Variants in ATXN10 observed in about 807,000 individuals in gnomAD.
The protein encoded by ATXN10 is ataxin 10.
In ATXN10, 28 loss-of-function variants were observed where a neutral mutation model predicts 52.9. The ratio of observed to expected loss-of-function variants is 0.53; its 90% CI spans 0.39 to 0.73. The LOEUF is 0.73. Ranked by LOEUF, ATXN10 falls within the 30% of genes least tolerant of loss-of-function variation. The pLI is 0.00. For missense variants in ATXN10, 565 were observed against 577.0 expected (o/e 0.98, Z 0.21); for synonymous variants, 226 against 221.5 (o/e 1.02, Z -0.18).
chr22:45,758,449 A>G (rs1232644113), intron 9 of ATXN10, among the ~76,000 whole-genome samples: 2 of 152,226 alleles, frequency 1.3e-5, no homozygotes, highest in Non-Finnish European at 2.9e-5. Context: ...AAAATACATA[A>G]TTCTTTTTGG....
In ATXN10 at chr22:45,757,512, A is replaced by C. The variant is rs904951136; in HGVS notation, c.1173+16974A>C. On this transcript the variant is annotated intron_variant, in intron 9 of 11. Coordinates refer to ENST00000252934, the MANE Select transcript of ATXN10 (RefSeq NM_013236.4). The surrounding 1 kb of genome is among the most constrained non-coding windows in gnomAD (Gnocchi z 4.6). Reference sequence around the variant, plus strand: ...TTCCAAAGGGAGGTGTGGATGTTTCATTCAGTACTTTGGAGGGAGAAAGAA... The same window carrying C: ...TTCCAAAGGGAGGTGTGGATGTTTCCTTCAGTACTTTGGAGGGAGAAAGAA... 6.6e-6 allele frequency among the ~76,000 whole-genome samples: 1 copy of C among 152,042 alleles called. No homozygotes were observed. Among genetic ancestry groups the C allele is most frequent in the Non-Finnish European group, 1.5e-5 (1 of 67,984 alleles).
chr22:45,679,491 A>G (rs140153585), intron 1 of ATXN10: 2 of 152,376 alleles, frequency 1.3e-5, no homozygotes, highest in East Asian at 3.9e-4. Flanking sequence ...AACATACCAC[A>G]GAGGTAAAAA....
rs1331690493 is a variant in ATXN10 at position 45,774,321 on chromosome 22, C to T, written c.1174-32638C>T. Among the ~76,000 whole-genome samples the T allele has an allele frequency of 2.0e-5, 3 of 152,224 alleles. No homozygotes were observed. Among genetic ancestry groups the T allele is most frequent in the African/African-American group, 7.2e-5 (3 of 41,456 alleles). Reference sequence around the variant, plus strand: ...GAGCTGCACCTGTCTGGAATGGCAGCCTGTCCCTACCAGTCCCTGCATCGC... The same window carrying T: ...GAGCTGCACCTGTCTGGAATGGCAGTCTGTCCCTACCAGTCCCTGCATCGC... On this transcript the variant is annotated intron_variant, in intron 9 of 11. Transcript: ENST00000252934. The surrounding 1 kb of genome is among the most constrained non-coding windows in gnomAD (Gnocchi z 6.2).
intron 5 of ATXN10, among the ~76,000 whole-genome samples, chr22:45,704,810 T>G (rs188536805): frequency 6.6e-6 from 1 of 152,310 alleles, no homozygotes; most frequent in Admixed American, 6.5e-5. Context: ...TCCAATACAA[T>G]GTTGAGTAGA....
chr22:45,741,745 G>A lies in ATXN10; in HGVS notation c.1173+1207G>A, dbSNP rs1456868917. On this transcript the variant is annotated intron_variant, in intron 9 of 11. Coordinates refer to ENST00000252934, the MANE Select transcript of ATXN10 (RefSeq NM_013236.4). ...TCAGTTAGTAGCCCAGTCAGTTACT[G>A]TTGGACTGATCCTTCTTCAAATAGC... is the stretch of plus-strand genomic sequence containing the variant. Among the ~76,000 whole-genome samples the A allele has an allele frequency of 2.6e-5, 4 of 152,276 alleles. No homozygotes were observed. The East Asian group carries it at 7.7e-4, about 29-fold the overall frequency.
chr22:45,822,418 G>C (rs895714578), intron 10 of ATXN10, among the ~76,000 whole-genome samples: 2 of 151,742 alleles, frequency 1.3e-5, no homozygotes, highest in South Asian at 4.2e-4. Flanking sequence ...GTATATGAAA[G>C]CTCCTTTCAC....
chr22:45,778,932 G>C (rs990697967), intron 9 of ATXN10, among the ~76,000 whole-genome samples: 16 of 152,210 alleles, frequency 1.1e-4, no homozygotes, highest in African/African-American at 3.4e-4. Flanking sequence ...GGCATGTCTG[G>C]TGAGTGGAAT....
chr22:45,716,325 CTTTT>C (rs1157868947), intron 5 of ATXN10, among the ~76,000 whole-genome samples: 1 of 133,264 alleles, frequency 7.5e-6, no homozygotes, highest in Non-Finnish European at 1.6e-5. Context: ...TGAGTGCTTC[CTTTT>C]TTTTTTTTTT....
chr22:45,677,473 GT>G lies in ATXN10; in HGVS notation c.116+5297del, dbSNP rs1922743950. Reference sequence around the variant, plus strand: ...TAGACAAAATGAGGTTTTCGTTGGTGTTTAATTTAAAAATTAAAAAAAAATT... The same window carrying G: ...TAGACAAAATGAGGTTTTCGTTGGTGTTAATTTAAAAATTAAAAAAAAATT... On this transcript the variant is annotated intron_variant, in intron 1 of 11. Transcript: ENST00000252934. This position sits in a 1 kb window ranked among gnomAD's most constrained non-coding sequence, Gnocchi z 4.1. The G allele has an allele frequency of 7.0e-6, 1 of 143,644 alleles. No homozygotes were observed. The highest frequency in any genetic ancestry group is 7.1e-5 in the Admixed American group (1 of 14,120). 8.9% of individuals were successfully genotyped at this position (143,644 alleles called of 1,614,324 possible). A position where few individuals can be genotyped will look rare whatever the true frequency, so the allele number is the denominator to read the frequency against.
chr22:45,756,059 A>C (rs2146823270), intron 9 of ATXN10, among the ~76,000 whole-genome samples: 1 of 152,292 alleles, frequency 6.6e-6, no homozygotes, highest in African/African-American at 2.4e-5. Context: ...AGTCTCTGAG[A>C]GAGGTGACCA....
intron 9 of ATXN10, chr22:45,760,394 A>G (rs751072554): frequency 6.5e-6 from 1 of 154,004 alleles, no homozygotes; most frequent in African/African-American, 2.4e-5. Context: ...AGTGCTTACC[A>G]TGTGCCACTT....
chr22:45,763,985 A>C lies in ATXN10; in HGVS notation c.1173+23447A>C, dbSNP rs1255680386. Among the ~76,000 whole-genome samples, 1 of 151,224 alleles carries C rather than the reference A, an allele frequency of 6.6e-6. No individual in the cohort carries two copies. The highest frequency in any genetic ancestry group is 1.5e-5 in the Non-Finnish European group (1 of 67,878). On this transcript the variant is annotated intron_variant, in intron 9 of 11. Transcript: ENST00000252934. The surrounding 1 kb of genome is among the most constrained non-coding windows in gnomAD (Gnocchi z 6.9). ...AGAAAATTATAATACCTGACTTGTG[A>C]GTTCCATTCCAGAATTCGGCCAGCC...
chr22:45,746,972 T>C (rs1486004533), intron 9 of ATXN10, among the ~76,000 whole-genome samples: 5 of 152,206 alleles, frequency 3.3e-5, no homozygotes, highest in Non-Finnish European at 7.3e-5. Flanking sequence ...AACACTTTAT[T>C]TGGGTATCAC....
chr22:45,802,182 G>A (rs919683907), intron 9 of ATXN10, among the ~76,000 whole-genome samples: 3 of 152,162 alleles, frequency 2.0e-5, no homozygotes, highest in African/African-American at 7.2e-5. Flanking sequence ...TTTAAGCCAG[G>A]CTTATTGTCT....
intron 10 of ATXN10, among the ~76,000 whole-genome samples, chr22:45,810,433 A>T (rs1601660661): frequency 6.6e-6 from 1 of 152,372 alleles, no homozygotes; most frequent in East Asian, 1.9e-4. Flanking sequence ...ATCAGTATAA[A>T]TTCTACACAT....
At position 45,835,336 on chromosome 22, in the gene ATXN10, T is replaced by C. The variant is rs1042067659; in HGVS notation, c.1238-7655T>C. Among the ~76,000 whole-genome samples the C allele has an allele frequency of 5.3e-5, 8 of 152,190 alleles. No individual in the cohort carries two copies. Among genetic ancestry groups the C allele is most frequent in the Non-Finnish European group, 8.8e-5 (6 of 68,028 alleles). On this transcript the variant is annotated intron_variant, in intron 10 of 11. Transcript: ENST00000252934. This position sits in a 1 kb window ranked among gnomAD's most constrained non-coding sequence, Gnocchi z 5.0. Reference sequence around the variant, plus strand: ...TGGAGAGTACACGCCCAGCAAGGCCTGGACAGCGCACTGGTGCCACAGCCC... The same window carrying C: ...TGGAGAGTACACGCCCAGCAAGGCCCGGACAGCGCACTGGTGCCACAGCCC...
At position 45,697,426 on chromosome 22, in the gene ATXN10, C is replaced by T. The variant is rs185905340; in HGVS notation, c.392-2856C>T. On this transcript the variant is annotated intron_variant, in intron 3 of 11. Transcript: ENST00000252934. ...CTGGAATTACAGGCGTGAGCCGCTG[C>T]GTCCGGCCTAAAAATCACCCTAAAA... Among the ~76,000 whole-genome samples the T allele has an allele frequency of 1.8e-3, 280 of 152,196 alleles. 1 individual carries two copies. Among genetic ancestry groups the T allele is most frequent in the Non-Finnish European group, 1.4e-3 (97 of 68,018 alleles).
chr22:45,807,797 C>T (rs970794516), intron 10 of ATXN10, among the ~76,000 whole-genome samples: 6 of 152,216 alleles, frequency 3.9e-5, no homozygotes, highest in Admixed American at 2.6e-4. Flanking sequence ...CACTGCTTGG[C>T]TGGTGGTGGG....
At chr22:45,836,222 C>T (rs529218249) in intron 10 of ATXN10, among the ~76,000 whole-genome samples, 6 of 152,292 alleles carry the variant, frequency 3.9e-5, no homozygotes, top group Admixed American at 2.0e-4. Flanking sequence ...GCAGTGGGAC[C>T]ACTGACATAA....
Sources: gnomAD v4.1 joint callset for allele counts (sites outside exome capture counted in the v4.1 genomes callset) on GRCh38, gnomAD v4.1.1 for gene constraint, Gnocchi (gnomAD v3.1) non-coding constraint, MANE v1.5 for transcripts, NCBI Gene and HGNC (gene_info 2026-07-23, HGNC 2026-07-21) for gene names.